The following GRIK3 variants were observed in gnomAD, a reference collection of about 807,000 sequenced individuals.
GRIK3 encodes the protein glutamate ionotropic receptor kainate type subunit 3.
A neutral mutation model predicts 102.5 loss-of-function variants in GRIK3; 29 were observed. The ratio of observed to expected loss-of-function variants is 0.28; its 90% CI spans 0.21 to 0.39. GRIK3 has a LOEUF of 0.39. Ranked by LOEUF, GRIK3 falls within the 10% of genes least tolerant of loss-of-function variation. The pLI is 1.00. For synonymous variants in GRIK3, 511 were observed against 504.9 expected, an observed-to-expected ratio of 1.01 and a Z score of -0.16; for missense variants, 908 against 1,252.4, an observed-to-expected ratio of 0.73 and a Z score of 4.15.
intron 1 of GRIK3, among the ~76,000 whole-genome samples, chr1:37,023,944 G>A (rs1397487554): frequency 2.0e-5 from 3 of 152,210 alleles, no homozygotes; most frequent in Non-Finnish European, 2.9e-5. Flanking sequence ...GAACTTACTG[G>A]GAGATAAATG....
chr1:36,920,520 C>T (rs866703240), intron 1 of GRIK3, among the ~76,000 whole-genome samples: 3 of 152,136 alleles, frequency 2.0e-5, no homozygotes, highest in South Asian at 4.1e-4. Flanking sequence ...TTTTGCACCT[C>T]CCACCAAGCC....
intron 1 of GRIK3, among the ~76,000 whole-genome samples, chr1:37,009,837 T>A (rs954335937): frequency 3.3e-5 from 5 of 151,760 alleles, no homozygotes; most frequent in African/African-American, 1.2e-4. Flanking sequence ...AAATGGCCCC[T>A]GGCTGACAGC....
intron 1 of GRIK3, among the ~76,000 whole-genome samples, chr1:36,937,740 G>T (rs1363330096): frequency 6.6e-6 from 1 of 152,246 alleles, no homozygotes; most frequent in East Asian, 1.9e-4. Context: ...TTCCAATTGC[G>T]ATTGCTTCAG....
intron 9 of GRIK3, among the ~76,000 whole-genome samples, chr1:36,845,965 C>T (rs1225962834): frequency 6.6e-6 from 1 of 152,216 alleles, no homozygotes; most frequent in East Asian, 1.9e-4. Flanking sequence ...ACTGAGTATC[C>T]AGATACCCGT....
At chr1:36,803,814 G>C (rs1642468901) in intron 15 of GRIK3, among the ~76,000 whole-genome samples, 1 of 152,172 alleles carries the variant, frequency 6.6e-6, no homozygotes, top group African/African-American at 2.4e-5. Context: ...TATCAACAGA[G>C]AACCATTCTC....
chr1:36,851,074 C>A (rs964885569), intron 8 of GRIK3, among the ~76,000 whole-genome samples: 2 of 152,180 alleles, frequency 1.3e-5, no homozygotes, highest in African/African-American at 4.8e-5. Flanking sequence ...TGACCCAACT[C>A]TGGCCAGCTC....
At chr1:36,895,948 T>A (rs938749504) in intron 1 of GRIK3, among the ~76,000 whole-genome samples, 2 of 152,108 alleles carry the variant, frequency 1.3e-5, no homozygotes, top group African/African-American at 4.8e-5. Flanking sequence ...TCAGAAACCA[T>A]GCAAGCAAGA....
At position 37,034,096 on chromosome 1, in the gene GRIK3, A is replaced by C. The variant is rs751977448; in HGVS notation, c.13T>G (p.Trp5Gly). Reference sequence around the variant, plus strand: ...CAAACCAGACTCCGGAGGCGCCGCCAGGGAGCGGTCATCGTTGGGCGCCGC... The same window carrying C: ...CAAACCAGACTCCGGAGGCGCCGCCCGGGAGCGGTCATCGTTGGGCGCCGC... MTAP[W>G]RRLRSLVWEY... Residue 5 changes from tryptophan to glycine, a missense_variant, in exon 1 of 16, where the codon TGG becomes GGG. Around this residue, in one of 3 missense-constraint regions of GRIK3, gnomAD observed 585 missense variants for 824.9 expected, o/e 0.71. Transcript: ENST00000373091. 4 of 1,579,382 alleles carry C rather than the reference A, an allele frequency of 2.5e-6. No individual in the cohort carries two copies. Among genetic ancestry groups the C allele is most frequent in the Non-Finnish European group, 3.4e-6 (4 of 1,162,590 alleles).
At chr1:36,812,225 G>C (rs572017923) in intron 13 of GRIK3, among the ~76,000 whole-genome samples, 1 of 152,060 alleles carries the variant, frequency 6.6e-6, no homozygotes, top group African/African-American at 2.4e-5. Flanking sequence ...GCATGCCCAG[G>C]TCAGATGCTA....
chr1:36,902,590 G>C (rs186157062), intron 1 of GRIK3, among the ~76,000 whole-genome samples: 1 of 152,168 alleles, frequency 6.6e-6, no homozygotes, highest in African/African-American at 2.4e-5. Flanking sequence ...AAGTGTATCA[G>C]AGACCTCAAT....
intron 13 of GRIK3, among the ~76,000 whole-genome samples, chr1:36,810,031 C>A (rs1288197281): frequency 6.6e-6 from 1 of 152,176 alleles, no homozygotes; most frequent in Non-Finnish European, 1.5e-5. Context: ...TGGGGCCCCC[C>A]TTCTCAACCC....
At chr1:36,979,866 T>G (rs1051884218) in intron 1 of GRIK3, among the ~76,000 whole-genome samples, 1 of 152,182 alleles carries the variant, frequency 6.6e-6, no homozygotes, top group Non-Finnish European at 1.5e-5. Flanking sequence ...GCTCCTGAGA[T>G]GAGGGTAAGG....
intron 1 of GRIK3, among the ~76,000 whole-genome samples, chr1:36,946,615 C>T (rs954445948): frequency 9.8e-5 from 15 of 152,316 alleles, no homozygotes; most frequent in African/African-American, 2.2e-4. Flanking sequence ...GAATAAGTAA[C>T]AATACCACAA....
At chr1:36,856,553 G>A (rs973750105) in intron 7 of GRIK3, among the ~76,000 whole-genome samples, 2 of 152,200 alleles carry the variant, frequency 1.3e-5, no homozygotes, top group African/African-American at 4.8e-5. Context: ...ATGGTCTGAC[G>A]GAGGACTGTG....
rs147844841 is a variant in GRIK3 at position 36,930,091 on chromosome 1, C to CA, written c.116-38996dup. Among the ~76,000 whole-genome samples, 1,124 of 152,338 alleles carry CA rather than the reference C, an allele frequency of 7.4e-3. 13 individuals carry two copies. The highest frequency in any genetic ancestry group is 0.026 in the African/African-American group (1,085 of 41,572). On this transcript the variant is annotated intron_variant, in intron 1 of 15. Coordinates refer to ENST00000373091, the MANE Select transcript of GRIK3 (RefSeq NM_000831.4). ...GGTGGCAATGTCTTTTATGACCTGG[C>CA]ATTAGGCGTCACAGCCTGTCAGTCC...
intron 13 of GRIK3, among the ~76,000 whole-genome samples, chr1:36,813,825 T>G (rs1402317571): frequency 6.6e-6 from 1 of 152,124 alleles, no homozygotes; most frequent in African/African-American, 2.4e-5. Context: ...ATTCAGGCTC[T>G]TCTCCAATAT....
At chr1:37,027,956 G>A (rs1017333943) in intron 1 of GRIK3, among the ~76,000 whole-genome samples, 1 of 152,150 alleles carries the variant, frequency 6.6e-6, no homozygotes, top group Non-Finnish European at 1.5e-5. Context: ...CCCAACCCAC[G>A]GTGTCTGTGA....
chr1:36,928,437 T>A (rs1165003344), intron 1 of GRIK3, among the ~76,000 whole-genome samples: 1 of 152,162 alleles, frequency 6.6e-6, no homozygotes, highest in Non-Finnish European at 1.5e-5. Context: ...ATTGTCTGAA[T>A]CAAAGTGGCA....
At chr1:37,006,376 G>A (rs1016570143) in intron 1 of GRIK3, among the ~76,000 whole-genome samples, 6 of 152,246 alleles carry the variant, frequency 3.9e-5, no homozygotes, top group East Asian at 1.9e-4. Flanking sequence ...AGCAGGCCAC[G>A]TGCAGAAATG....
Sources: allele counts gnomAD v4.1 joint callset (sites outside exome capture counted in the v4.1 genomes callset), GRCh38; gene constraint gnomAD v4.1.1; regional missense constraint gnomAD v4.1.1; transcripts MANE v1.5; gene names NCBI Gene and HGNC (gene_info 2026-07-23, HGNC 2026-07-21).